The following LCOR variants were observed in gnomAD, a reference collection of about 807,000 sequenced individuals.
The protein encoded by LCOR is ligand-dependent corepressor.
Under a neutral mutation model 64.4 loss-of-function variants are expected in LCOR, and 14 were observed. The ratio of observed to expected loss-of-function variants is 0.22; its 90% CI spans 0.14 to 0.34. The LOEUF is 0.34. Ranked by LOEUF, LCOR falls within the 10% of genes least tolerant of loss-of-function variation. The probability of loss-of-function intolerance (pLI) is 1.00; values close to 1 mark genes in which losing one functional copy is unlikely to be tolerated. For synonymous variants in LCOR, 643 were observed against 642.5 expected (o/e 1.00, Z -0.01); for missense variants, 1,686 against 1,765.3 (o/e 0.96, Z 0.80).
At chr10:96,960,990 C>G (rs1847870643) in intron 7 of LCOR, 1 of 152,066 alleles carries the variant, frequency 6.6e-6, no homozygotes, top group Non-Finnish European at 1.5e-5. Flanking sequence ...GACATTAGCC[C>G]TGTAACACAA....
At chr10:96,838,022 T>A (rs1845476490) in intron 2 of LCOR, among the ~76,000 whole-genome samples, 1 of 152,214 alleles carries the variant, frequency 6.6e-6, no homozygotes, top group South Asian at 2.1e-4. Flanking sequence ...TATTTTCTAG[T>A]CTATCTGTGT....
chr10:96,848,099 C>T (rs1280651926), intron 2 of LCOR, among the ~76,000 whole-genome samples: 1 of 152,160 alleles, frequency 6.6e-6, no homozygotes, highest in Non-Finnish European at 1.5e-5. Context: ...ATACCTAAGT[C>T]AGCCTGTATT....
chr10:96,888,688 G>T (rs896924742), intron 2 of LCOR, among the ~76,000 whole-genome samples: 1 of 152,034 alleles, frequency 6.6e-6, no homozygotes, highest in Admixed American at 6.6e-5. Context: ...AAATTAAGTT[G>T]TAGTAAAACT....
intron 2 of LCOR, among the ~76,000 whole-genome samples, chr10:96,882,898 C>G (rs927248563): frequency 6.6e-6 from 1 of 152,142 alleles, no homozygotes; most frequent in African/African-American, 2.4e-5. Flanking sequence ...CTCCATGTCT[C>G]TTTATGGCTT....
rs140157079 is a variant in LCOR at position 96,884,552 on chromosome 10, A to G, written c.-329-22713A>G. Among the ~76,000 whole-genome samples the G allele has an allele frequency of 4.5e-4, 68 of 152,284 alleles. 2 individuals are homozygous for G. In the East Asian group the frequency reaches 9.4e-3, roughly 21 times the overall value. ...GGGGGTGCAGTGTCTCTAGGACAGC[A>G]CTTCTCAAACTTCAGTAAACATAAG... On this transcript the variant is annotated intron_variant, in intron 2 of 7. Transcript: ENST00000421806.
intron 4 of LCOR, among the ~76,000 whole-genome samples, chr10:96,920,676 A>ATG (rs1227242688): frequency 6.2e-5 from 9 of 144,080 alleles, no homozygotes; most frequent in African/African-American, 2.2e-4. Flanking sequence ...ATATGTATAT[A>ATG]TTCATATATG....
chr10:96,896,906 C>T (rs1846546765), intron 2 of LCOR, among the ~76,000 whole-genome samples: 1 of 151,974 alleles, frequency 6.6e-6, no homozygotes, highest in Admixed American at 6.6e-5. Context: ...AAAGGAAGCC[C>T]CACCTTTCCA....
rs374854583 is a variant in LCOR at position 96,885,238 on chromosome 10, G to A, written c.-329-22027G>A. On this transcript the variant is annotated intron_variant, in intron 2 of 7. Transcript: ENST00000421806. ...GAACATCACTTCTCATTTGAAAATA[G>A]TAAAGTTTTCAGATTTGTACCCAAT... is the stretch of plus-strand genomic sequence containing the variant. Among the ~76,000 whole-genome samples the A allele has an allele frequency of 3.9e-5, 6 of 152,288 alleles. No individual in the cohort carries two copies. The East Asian group carries it at 7.7e-4, about 20-fold the overall frequency.
At position 96,981,348 on chromosome 10, in the gene LCOR, G is replaced by A. The variant is rs1848083894; in HGVS notation, c.888G>A (p.Glu296=). The A allele has an allele frequency of 3.7e-6, 6 of 1,613,622 alleles. No homozygotes were observed. The highest frequency in any genetic ancestry group is 5.1e-6 in the Non-Finnish European group (6 of 1,179,838). ...KILEGQTTGQ[E]QDTNVNICED... Reference sequence around the variant, plus strand: ...TGGAGGGGCAGACCACTGGACAAGAGCAAGACACAAATGTGAACATATGTG... The same window carrying A: ...TGGAGGGGCAGACCACTGGACAAGAACAAGACACAAATGTGAACATATGTG... Residue 296 remains glutamate (E), a synonymous_variant, in exon 8 of 8, where the codon GAG becomes GAA. Coordinates refer to ENST00000421806, the MANE Select transcript of LCOR (RefSeq NM_001346516.2).
At chr10:96,948,415 A>C (rs1022749373) in intron 5 of LCOR, among the ~76,000 whole-genome samples, 10 of 152,218 alleles carry the variant, frequency 6.6e-5, no homozygotes, top group African/African-American at 2.4e-4. Context: ...ACTGAATCAG[A>C]AACTCTGGGG....
At chr10:96,938,943 T>TA (rs1300857849) in intron 4 of LCOR, among the ~76,000 whole-genome samples, 1 of 152,256 alleles carries the variant, frequency 6.6e-6, no homozygotes. Flanking sequence ...CCCAAATTGA[T>TA]ACGCTGATTC....
intron 5 of LCOR, among the ~76,000 whole-genome samples, chr10:96,946,527 A>T (rs1392751802): frequency 6.6e-6 from 1 of 152,044 alleles, no homozygotes; most frequent in Non-Finnish European, 1.5e-5. Context: ...GGTGGCTGTG[A>T]TGTAACATGT....
intron 7 of LCOR, among the ~76,000 whole-genome samples, chr10:96,979,777 A>T (rs1848067385): frequency 6.6e-6 from 1 of 152,012 alleles, no homozygotes; most frequent in African/African-American, 2.4e-5. Flanking sequence ...ATTCCTTTAT[A>T]CTCCCAGGAA....
intron 4 of LCOR, among the ~76,000 whole-genome samples, chr10:96,910,652 A>T (rs1029511398): frequency 6.6e-6 from 1 of 152,216 alleles, no homozygotes; most frequent in East Asian, 1.9e-4. Flanking sequence ...AGGCTGGCTT[A>T]AGATTCTAAA....
intron 2 of LCOR, among the ~76,000 whole-genome samples, chr10:96,880,446 G>A (rs1351274016): frequency 4.6e-5 from 7 of 152,154 alleles, no homozygotes; most frequent in Admixed American, 6.6e-5. Flanking sequence ...CATCCAGGCT[G>A]GAGTGCAGTA....
chr10:96,913,163 T>A (rs1389094013), intron 4 of LCOR, among the ~76,000 whole-genome samples: 1 of 152,228 alleles, frequency 6.6e-6, no homozygotes, highest in Non-Finnish European at 1.5e-5. Context: ...TTCCTTTTAA[T>A]CAGAGAACTG....
At chr10:96,909,540 A>G (rs1041362548) in intron 4 of LCOR, among the ~76,000 whole-genome samples, 2 of 152,164 alleles carry the variant, frequency 1.3e-5, no homozygotes, top group African/African-American at 2.4e-5. Context: ...TACATTGTCA[A>G]CTGCTAAAAA....
At chr10:96,928,498 C>T (rs1322583429) in intron 4 of LCOR, among the ~76,000 whole-genome samples, 1 of 152,312 alleles carries the variant, frequency 6.6e-6, no homozygotes, top group East Asian at 1.9e-4. Flanking sequence ...TAAGTTACAT[C>T]TTAAGGCTCC....
intron 2 of LCOR, among the ~76,000 whole-genome samples, chr10:96,870,599 A>G (rs1302149125): frequency 6.6e-6 from 1 of 152,342 alleles, no homozygotes; most frequent in East Asian, 1.9e-4. Flanking sequence ...GCTATTTGGA[A>G]TTACGTCATC....
Sources: gnomAD v4.1 joint callset for allele counts (sites outside exome capture counted in the v4.1 genomes callset) on GRCh38, gnomAD v4.1.1 for gene constraint, MANE v1.5 for transcripts, NCBI Gene and HGNC (gene_info 2026-07-23, HGNC 2026-07-21) for gene names.